CNRIP1: variants seen among roughly 807,000 people sequenced by gnomAD.
CNRIP1 encodes cannabinoid receptor interacting protein 1, also known as CB1 cannabinoid receptor-interacting protein 1.
CNRIP1 carries 10 observed loss-of-function variants against 15.2 expected under a neutral mutation model. That is an observed-to-expected ratio of 0.66 (90% confidence interval 0.41 to 1.12). CNRIP1 has a LOEUF of 1.12. Ranked by LOEUF, CNRIP1 falls within the 50% of genes most tolerant of loss-of-function variation. The pLI, the probability that CNRIP1 is intolerant of heterozygous loss-of-function variation, is 0.00. For synonymous variants in CNRIP1, 91 were observed against 83.2 expected, an observed-to-expected ratio of 1.09 and a Z score of -0.51; for missense variants, 211 against 214.7, an observed-to-expected ratio of 0.98 and a Z score of 0.11.
intron 2 of CNRIP1, among the ~76,000 whole-genome samples, chr2:68,310,279 G>A (rs1464642868): frequency 6.6e-6 from 1 of 152,198 alleles, no homozygotes; most frequent in Non-Finnish European, 1.5e-5. Context: ...AGTGAGCTGA[G>A]ATCGCACCAC....
At chr2:68,287,711 C>T (rs541127312) in intron 2 of CNRIP1, among the ~76,000 whole-genome samples, 2 of 152,240 alleles carry the variant, frequency 1.3e-5, no homozygotes, top group Non-Finnish European at 2.9e-5. Context: ...CTTCTGCTTA[C>T]AACTCATTGG....
downstream of CNRIP1, among the ~76,000 whole-genome samples, chr2:68,288,067 GGCCA>G (rs70949693): frequency 4.3e-4 from 65 of 149,876 alleles, no homozygotes; most frequent in East Asian, 8.6e-3. Flanking sequence ...GCAGCCGGCC[GGCCA>G]GCCAGCCAGC....
intron 2 of CNRIP1, among the ~76,000 whole-genome samples, chr2:68,313,783 C>A (rs1444138256): frequency 6.6e-6 from 1 of 152,120 alleles, no homozygotes. Context: ...TTAATCATAT[C>A]TCAAAGCTGA....
Position 68,317,267 on chromosome 2 carries a change from T to G in CNRIP1, c.220A>C (p.Lys74Gln). 2.5e-6 allele frequency: 4 copies of G among 1,614,158 alleles called. No individual in the cohort carries two copies. The highest frequency in any genetic ancestry group is 3.4e-6 in the Non-Finnish European group (4 of 1,180,024). The change falls in exon 2 of 3, where the codon AAG (lysine) becomes CAG (glutamine). Residue 74 changes from lysine (K) to glutamine (Q), a missense_variant. Physicochemically the swap from Lys to Gln is moderately conservative, Grantham distance 53. Coordinates refer to ENST00000263655, the MANE Select transcript of CNRIP1 (RefSeq NM_015463.3). ...IGGVLVPLELKSKEPDGDRVV... is the reference protein window; with the variant it reads ...IGGVLVPLELQSKEPDGDRVV... Reference sequence around the variant, plus strand: ...CTGTCCCCATCAGGCTCTTTAGACTTCAGTTCCAGTGGGACAAGCACACCA... The same window carrying G: ...CTGTCCCCATCAGGCTCTTTAGACTGCAGTTCCAGTGGGACAAGCACACCA...
At chr2:68,300,481 G>A (rs1487260729) in intron 2 of CNRIP1, among the ~76,000 whole-genome samples, 2 of 152,118 alleles carry the variant, frequency 1.3e-5, no homozygotes, top group African/African-American at 4.8e-5. Flanking sequence ...GCCGGGCGTG[G>A]TGGTGGGTGC....
At chr2:68,304,056 G>A (rs560522527) in intron 2 of CNRIP1, among the ~76,000 whole-genome samples, 27 of 151,524 alleles carry the variant, frequency 1.8e-4, no homozygotes, top group African/African-American at 5.8e-4. Flanking sequence ...CAGACTGGGC[G>A]ACAGAGCAAG....
intron 1 of CNRIP1, 85 bp downstream of exon 1, chr2:68,319,126 CAGAGGCCCTTG>C: frequency 7.7e-7 from 1 of 1,302,908 alleles, no homozygotes; most frequent in Non-Finnish European, 1.0e-6. Flanking sequence ...GGCGCGAGGC[CAGAGGCCCTTG>C]AGAGGCTCGG....
intron 2 of CNRIP1, among the ~76,000 whole-genome samples, chr2:68,311,287 T>C (rs1002322857): frequency 1.4e-4 from 21 of 152,160 alleles, no homozygotes; most frequent in Admixed American, 7.9e-4. Flanking sequence ...TTACTGTATA[T>C]GTATTATACT....
chr2:68,308,215 C>G (rs1241083568), intron 2 of CNRIP1, among the ~76,000 whole-genome samples: 5 of 151,460 alleles, frequency 3.3e-5, no homozygotes, highest in Non-Finnish European at 5.9e-5. Context: ...CAAAACAAAA[C>G]AAAACAAAAC....
chr2:68,300,196 G>A (rs1338701319), intron 2 of CNRIP1, among the ~76,000 whole-genome samples: 3 of 152,180 alleles, frequency 2.0e-5, no homozygotes, highest in African/African-American at 7.2e-5. Context: ...TTTCCTAAGT[G>A]ATTGTGCCCA....
intron 1 of CNRIP1, 143 bp from the exon 2 acceptor site, chr2:68,317,450 G>A: frequency 1.3e-6 from 1 of 787,826 alleles, no homozygotes; most frequent in East Asian, 2.6e-5. Context: ...TGCAAGTTCA[G>A]GGGGCAGTGC....
chr2:68,315,305 G>C (rs1421666449), intron 2 of CNRIP1, among the ~76,000 whole-genome samples: 1 of 152,054 alleles, frequency 6.6e-6, no homozygotes, highest in Non-Finnish European at 1.5e-5. Flanking sequence ...TTAAAAATAT[G>C]TAAACATGAC....
rs1283933188 is a variant in CNRIP1, at chr2:68,293,941, G to A, written c.416C>T (p.Pro139Leu). Residue 139 changes from proline (P) to leucine (L), a missense_variant, in exon 3 of 3, where the codon CCC becomes CTC. Coordinates refer to ENST00000263655, the MANE Select transcript of CNRIP1 (RefSeq NM_015463.3). Reference sequence around the variant, plus strand: ...GCATTCATACTCAATGACAGAGAAGGGGCTTCCCCACTGGCAGTGATCCCG... The same window carrying A: ...GCATTCATACTCAATGACAGAGAAGAGGCTTCCCCACTGGCAGTGATCCCG... ...HKRDHCQWGS[P>L]FSVIEYECKP... is the part of the protein sequence containing the mutation. 1 of 1,613,936 alleles carries A rather than the reference G, an allele frequency of 6.2e-7. No homozygotes were observed. Among genetic ancestry groups the A allele is most frequent in the Admixed American group, 1.7e-5 (1 of 59,990 alleles).
At chr2:68,307,669 T>A (rs757670013) in intron 2 of CNRIP1, among the ~76,000 whole-genome samples, 14 of 152,170 alleles carry the variant, frequency 9.2e-5, no homozygotes, top group Non-Finnish European at 1.8e-4. Context: ...CTTATCGTGA[T>A]GTATCATGAC....
intron 2 of CNRIP1, chr2:68,316,783 C>A (rs1324983401): frequency 2.2e-6 from 1 of 448,790 alleles, no homozygotes; most frequent in Non-Finnish European, 4.0e-6. Context: ...AGCAAAGTGT[C>A]ATTCAAATCA....
downstream of CNRIP1, among the ~76,000 whole-genome samples, chr2:68,291,066 GAGT>G (rs1476710594): frequency 6.6e-6 from 1 of 152,200 alleles, no homozygotes; most frequent in African/African-American, 2.4e-5. Flanking sequence ...TCAAATTTTG[GAGT>G]AGGAGGAGAG....
At chr2:68,303,431 T>C (rs984225563) in intron 2 of CNRIP1, among the ~76,000 whole-genome samples, 2 of 152,140 alleles carry the variant, frequency 1.3e-5, no homozygotes, top group African/African-American at 4.8e-5. Context: ...CCCCAACTCC[T>C]CTCTGGAGCT....
chr2:68,316,502 T>G (rs1672277380), intron 2 of CNRIP1: 1 of 152,102 alleles, frequency 6.6e-6, no homozygotes, highest in Non-Finnish European at 1.5e-5. Flanking sequence ...CACATATAGT[T>G]AAATCTATGT....
At chr2:68,284,196 T>C in exon 3 of CNRIP1, 1 of 331,640 alleles carries the variant, frequency 3.0e-6, no homozygotes, top group Non-Finnish European at 5.5e-6. Flanking sequence ...TTTAATATGA[T>C]AAGAATCACC....
Sources: allele counts gnomAD v4.1 joint callset (sites outside exome capture counted in the v4.1 genomes callset), GRCh38; gene constraint gnomAD v4.1.1; transcripts MANE v1.5; gene names NCBI Gene and HGNC (gene_info 2026-07-23, HGNC 2026-07-21).